Variants in ANKAR observed in about 807,000 individuals in gnomAD.
The protein encoded by ANKAR is ankyrin and armadillo repeat-containing protein.
In ANKAR, 136 loss-of-function variants were observed where a neutral mutation model predicts 146.2. That is an observed-to-expected ratio of 0.93 (90% CI 0.81 to 1.07). ANKAR has a LOEUF of 1.07. ANKAR is among the 50% of genes least tolerant of loss of function. The pLI, the probability that ANKAR is intolerant of heterozygous loss-of-function variation, is 0.00. For synonymous variants in ANKAR, 500 were observed against 575.8 expected (o/e 0.87, Z 1.88); for missense variants, 1,567 against 1,679.9 (o/e 0.93, Z 1.18).
At chr2:189,761,210 T>G (rs184507343), downstream of ANKAR, 293 of 388,004 alleles carry the variant, frequency 7.6e-4, no homozygotes, top group African/African-American at 5.5e-3. Flanking sequence ...CAGTTTCTTT[T>G]GGCAACAGGA....
Position 189,752,514 on chromosome 2 carries a change from T to A in ANKAR, c.*584+7726T>A, listed in dbSNP as rs2045427206. 2.0e-5 allele frequency: 15 copies of A among 768,946 alleles called. No homozygotes were observed. In the South Asian group the frequency reaches 2.7e-4, roughly 14 times the overall value. 47.6% of individuals were successfully genotyped at this position (768,946 alleles called of 1,614,324 possible). Reference sequence around the variant, plus strand: ...TTTCTCATATGGTATCAACCTTAACTAGGTTCATGAAAGAAATTTATGTAA... The same window carrying A: ...TTTCTCATATGGTATCAACCTTAACAAGGTTCATGAAAGAAATTTATGTAA... On this transcript the variant is annotated intron_variant and NMD_transcript_variant, in intron 18 of 18. Coordinates refer to the ANKAR transcript ENST00000441800.
chr2:189,718,996 G>T (rs541987038), intron 10 of ANKAR, among the ~76,000 whole-genome samples: 5 of 151,686 alleles, frequency 3.3e-5, no homozygotes, highest in African/African-American at 9.7e-5. Flanking sequence ...TGATCCACCC[G>T]CCTCGGCCTC....
downstream of ANKAR, chr2:189,762,803 C>T: frequency 2.0e-6 from 2 of 985,558 alleles, no homozygotes; most frequent in Non-Finnish European, 2.4e-6. Flanking sequence ...GTCATCGGAA[C>T]TGTGCAAGGT....
chr2:189,750,549 C>T (rs1266030185), downstream of ANKAR: 1 of 1,265,778 alleles, frequency 7.9e-7, no homozygotes, highest in Non-Finnish European at 1.1e-6. Context: ...CTTAATACTA[C>T]CTTTAGGGAC....
chr2:189,715,052 A>G (rs2040247725), intron 10 of ANKAR, among the ~76,000 whole-genome samples: 1 of 152,046 alleles, frequency 6.6e-6, no homozygotes, highest in African/African-American at 2.4e-5. Flanking sequence ...GAGCAAACAC[A>G]TTCAAAAGCT....
intron 10 of ANKAR, among the ~76,000 whole-genome samples, chr2:189,712,239 G>C (rs892417809): frequency 5.3e-5 from 8 of 152,224 alleles, no homozygotes; most frequent in Non-Finnish European, 7.3e-5. Flanking sequence ...TCTGAAGAGA[G>C]CAGTGGTTCT....
At chr2:189,711,939 T>C (rs138537231) in intron 10 of ANKAR, among the ~76,000 whole-genome samples, 1 of 152,330 alleles carries the variant, frequency 6.6e-6, no homozygotes, top group African/African-American at 2.4e-5. Context: ...ACCAGGAGAT[T>C]ATATCTCGTG....
chr2:189,732,591 G>T lies in ANKAR; in HGVS notation c.3301-516G>T, dbSNP rs372455480. Among the ~76,000 whole-genome samples, 3 of 150,454 alleles carry T rather than the reference G, an allele frequency of 2.0e-5. No individual in the cohort carries two copies. In the East Asian group the frequency reaches 5.9e-4, roughly 30 times the overall value. On this transcript the variant is annotated intron_variant, in intron 16 of 22. Transcript: ENST00000684021. ...CAGGAGAATCGCTTGAACCCAGGAGGTGGAGGTTGCAGTGAGCTAAGATCA... is the reference window on the plus strand; with the variant it reads ...CAGGAGAATCGCTTGAACCCAGGAGTTGGAGGTTGCAGTGAGCTAAGATCA...
intron 6 of ANKAR, 111 bp downstream of exon 6, chr2:189,695,272 C>T (rs2105562944): frequency 2.2e-6 from 2 of 928,734 alleles, no homozygotes; most frequent in Non-Finnish European, 3.0e-6. Flanking sequence ...AAGTCTTCAA[C>T]ATGAAATAAA....
At chr2:189,698,361 A>G (rs955049353) in intron 7 of ANKAR, among the ~76,000 whole-genome samples, 2 of 151,788 alleles carry the variant, frequency 1.3e-5, no homozygotes, top group Non-Finnish European at 2.9e-5. Context: ...TTATAAATTC[A>G]GGCCCACAAG....
chr2:189,716,926 T>C (rs948214056), intron 10 of ANKAR, among the ~76,000 whole-genome samples: 26 of 152,106 alleles, frequency 1.7e-4, no homozygotes, highest in Admixed American at 3.9e-4. Context: ...TTATACCTTA[T>C]ATAAAAATTA....
rs150197834 is a variant in ANKAR, at chr2:189,710,861, C to T, written c.2120-188C>T. 3.2e-4 allele frequency among the ~76,000 whole-genome samples: 49 copies of T among 152,254 alleles called. No individual in the cohort carries two copies. In the East Asian group the frequency reaches 6.8e-3, roughly 21 times the overall value. On this transcript the variant is annotated intron_variant, in intron 9 of 22. Coordinates refer to ENST00000684021, the MANE Select transcript of ANKAR (RefSeq NM_001378068.1). ...TATAGACTATAAACCTCAAAGATCA[C>T]GGGCTGATGGAATTTGTCAGTACTT...
At chr2:189,704,046 G>T (rs980860058) in intron 7 of ANKAR, among the ~76,000 whole-genome samples, 4 of 152,014 alleles carry the variant, frequency 2.6e-5, no homozygotes, top group African/African-American at 4.8e-5. Context: ...GGTATGAATT[G>T]CTATTATGCT....
At chr2:189,716,791 C>A (rs1250059802) in intron 10 of ANKAR, among the ~76,000 whole-genome samples, 1 of 151,844 alleles carries the variant, frequency 6.6e-6, no homozygotes, top group East Asian at 1.9e-4. Flanking sequence ...CACCACACAT[C>A]TACAACCATC....
intron 18 of ANKAR, among the ~76,000 whole-genome samples, chr2:189,756,538 G>A (rs556889201): frequency 6.6e-6 from 1 of 152,264 alleles, no homozygotes; most frequent in Admixed American, 6.5e-5. Context: ...CAGGCAATGA[G>A]GGGGATATAA....
At chr2:189,714,947 C>CA (rs71401215) in intron 10 of ANKAR, among the ~76,000 whole-genome samples, 6,121 of 88,410 alleles carry the variant, frequency 0.069, 510 homozygotes, top group Non-Finnish European at 0.099. Flanking sequence ...CTCCATCTCA[C>CA]AAAAAAAAAA....
intron 1 of ANKAR, among the ~76,000 whole-genome samples, chr2:189,675,359 C>A (rs1445799756): frequency 6.6e-6 from 1 of 151,982 alleles, no homozygotes; most frequent in Non-Finnish European, 1.5e-5. Context: ...GCAAATGCTT[C>A]TTTCCTTTTC....
Position 189,733,219 on chromosome 2 carries a change from C to A in ANKAR, c.3413C>A (p.Ser1138Ter). 6.2e-7 allele frequency: 1 copy of A among 1,601,806 alleles called. No homozygotes were observed. The highest frequency in any genetic ancestry group is 8.5e-7 in the Non-Finnish European group (1 of 1,175,348). ...GCTGATGTCCTTTATCTTCTTCACT[C>A]AACAGAAAAGGTAATACCTTTACAA... Reference protein sequence around the residue: ...EYADVLYLLHSTEKDICLRAG... With the variant: ...EYADVLYLLH The change falls in exon 17 of 23, where the codon TCA becomes TAA. Residue 1138 changes from serine to a stop codon, truncating the protein, a stop_gained. Transcript: ENST00000684021. LOFTEE classifies it high-confidence loss of function.
chr2:189,713,959 C>A (rs550720245), intron 10 of ANKAR, among the ~76,000 whole-genome samples: 2 of 152,164 alleles, frequency 1.3e-5, no homozygotes, highest in South Asian at 4.2e-4. Flanking sequence ...GCAGGGGTTG[C>A]CATCCTAGTC....
Sources: allele counts gnomAD v4.1 joint callset (sites outside exome capture counted in the v4.1 genomes callset), GRCh38; gene constraint gnomAD v4.1.1; transcripts MANE v1.5; gene names NCBI Gene and HGNC (gene_info 2026-07-23, HGNC 2026-07-21).